SLC25A13: variants seen among roughly 807,000 people sequenced by gnomAD.
The protein encoded by SLC25A13 is solute carrier family 25 member 13.
A neutral mutation model predicts 85.5 loss-of-function variants in SLC25A13; 70 were observed. The ratio of observed to expected loss-of-function variants is 0.82; its 90% confidence interval spans 0.68 to 1.00. SLC25A13 has a LOEUF of 1.00. SLC25A13 is among the 50% of genes least tolerant of loss of function. The pLI is 0.00. For synonymous variants in SLC25A13, 259 were observed against 288.7 expected, an observed-to-expected ratio of 0.90 and a Z score of 1.04; for missense variants, 765 against 819.8, an observed-to-expected ratio of 0.93 and a Z score of 0.82.
chr7:96,257,641 G>C (rs898696674), intron 3 of SLC25A13, among the ~76,000 whole-genome samples: 2 of 152,168 alleles, frequency 1.3e-5, no homozygotes, highest in African/African-American at 4.8e-5. Flanking sequence ...GAGGTACAAA[G>C]AGGAGCTGGT....
At chr7:96,241,983 GA>G (rs1797015741) in intron 3 of SLC25A13, among the ~76,000 whole-genome samples, 1 of 152,162 alleles carries the variant, frequency 6.6e-6, no homozygotes. Context: ...CTGTGGCTAC[GA>G]AAGTTTAAGC....
chr7:96,180,541 C>G (rs943201542), intron 11 of SLC25A13, among the ~76,000 whole-genome samples: 1 of 152,318 alleles, frequency 6.6e-6, no homozygotes, highest in Admixed American at 6.5e-5. Flanking sequence ...GTTGGCCAGG[C>G]TGGTCTTGAA....
At chr7:96,263,897 T>G (rs923902446) in intron 3 of SLC25A13, among the ~76,000 whole-genome samples, 22 of 152,202 alleles carry the variant, frequency 1.4e-4, no homozygotes, top group African/African-American at 4.6e-4. Flanking sequence ...GGCCACTATA[T>G]TCTAGTCTTC....
At chr7:96,228,946 G>A (rs567112134) in intron 4 of SLC25A13, among the ~76,000 whole-genome samples, 8 of 152,262 alleles carry the variant, frequency 5.3e-5, no homozygotes, top group Non-Finnish European at 8.8e-5. Flanking sequence ...GACTCCCGGC[G>A]GGGCAGGGCT....
At chr7:96,177,385 C>G (rs1794262971) in intron 11 of SLC25A13, among the ~76,000 whole-genome samples, 1 of 152,184 alleles carries the variant, frequency 6.6e-6, no homozygotes, top group African/African-American at 2.4e-5. Context: ...CTTAAATGAT[C>G]CTTAACCTCT....
intron 3 of SLC25A13, among the ~76,000 whole-genome samples, chr7:96,258,873 A>G (rs550542734): frequency 6.6e-5 from 10 of 152,298 alleles, no homozygotes; most frequent in African/African-American, 2.4e-4. Context: ...AGATATATAG[A>G]CCAATGGGAC....
At chr7:96,170,004 A>C (rs1020788837) in intron 13 of SLC25A13, 41 bp downstream of exon 13, 2 of 1,585,296 alleles carry the variant, frequency 1.3e-6, no homozygotes, top group Non-Finnish European at 1.7e-6. Context: ...ATATATGTGA[A>C]ACAAGTCTTT....
At chr7:96,133,093 A>AAAT (rs1457526825) in intron 14 of SLC25A13, among the ~76,000 whole-genome samples, 1 of 152,174 alleles carries the variant, frequency 6.6e-6, no homozygotes, top group African/African-American at 2.4e-5. Flanking sequence ...TAATCCTATT[A>AAAT]AGTTGCATCC....
rs1343963919 is a variant in SLC25A13 at position 96,293,889 on chromosome 7, A to T, written c.69+3009T>A. 3.3e-5 allele frequency among the ~76,000 whole-genome samples: 5 copies of T among 152,350 alleles called. No homozygotes were observed. The South Asian group carries it at 1.0e-3, about 32-fold the overall frequency. On this transcript the variant is annotated intron_variant, in intron 2 of 17. Coordinates refer to ENST00000265631, the MANE Select transcript of SLC25A13 (RefSeq NM_014251.3). ...CAGTGTGGCAATTCCTCAAGGATCTAGAACTAGAAATACCATTTGACCCAG... is the reference window on the plus strand; with the variant it reads ...CAGTGTGGCAATTCCTCAAGGATCTTGAACTAGAAATACCATTTGACCCAG...
intron 17 of SLC25A13, 43 bp from the exon 18 acceptor site, chr7:96,121,420 T>C (rs745994435): frequency 1.9e-6 from 3 of 1,601,324 alleles, no homozygotes; most frequent in African/African-American, 1.3e-5. Flanking sequence ...ATTTTTTGTT[T>C]GTTTTAACTT....
chr7:96,289,928 C>T (rs1342880281), intron 2 of SLC25A13, among the ~76,000 whole-genome samples: 10 of 152,010 alleles, frequency 6.6e-5, no homozygotes, highest in Admixed American at 4.6e-4. Context: ...AGATACTCCT[C>T]GAGAAGAGCA....
At chr7:96,174,082 A>T (rs1794116332) in intron 11 of SLC25A13, among the ~76,000 whole-genome samples, 1 of 152,202 alleles carries the variant, frequency 6.6e-6, no homozygotes. Context: ...AGGAATAGAG[A>T]TTAAAAAGAG....
At chr7:96,130,009 T>G (rs1052576581) in intron 15 of SLC25A13, among the ~76,000 whole-genome samples, 1 of 152,234 alleles carries the variant, frequency 6.6e-6, no homozygotes, top group Non-Finnish European at 1.5e-5. Context: ...TGAATAATAT[T>G]TTTGTTATTT....
intron 1 of SLC25A13, among the ~76,000 whole-genome samples, chr7:96,308,496 T>C (rs995477390): frequency 1.2e-4 from 18 of 152,120 alleles, no homozygotes; most frequent in African/African-American, 4.1e-4. Context: ...ACTCCTGGGG[T>C]TGAGCAACAA....
chr7:96,181,771 G>C (rs4727335), intron 11 of SLC25A13, among the ~76,000 whole-genome samples: 1 of 151,964 alleles, frequency 6.6e-6, no homozygotes, highest in South Asian at 2.1e-4. Flanking sequence ...AAACATGTAT[G>C]AATTAAAGAT....
intron 5 of SLC25A13, among the ~76,000 whole-genome samples, chr7:96,205,945 CAAA>C (rs397706103): frequency 7.7e-6 from 1 of 130,532 alleles, no homozygotes. Context: ...TATTAAGTGA[CAAA>C]AAAAAAAAAA....
intron 5 of SLC25A13, among the ~76,000 whole-genome samples, chr7:96,200,961 A>C (rs1028305437): frequency 6.6e-5 from 10 of 152,146 alleles, no homozygotes; most frequent in African/African-American, 2.4e-4. Context: ...AAGTGATCAC[A>C]TCTCTAGTTA....
chr7:96,243,568 T>C (rs188041003), intron 3 of SLC25A13, among the ~76,000 whole-genome samples: 4 of 152,212 alleles, frequency 2.6e-5, no homozygotes, highest in Admixed American at 2.6e-4. Flanking sequence ...ACTTCTCAAG[T>C]GATTGTACTA....
chr7:96,219,837 TCAACAA>T, intron 4 of SLC25A13: 1 of 453,710 alleles, frequency 2.2e-6, no homozygotes, highest in South Asian at 1.7e-5. Flanking sequence ...TGACTGTGAG[TCAACAA>T]CAACAACAAA....
Sources: allele counts gnomAD v4.1 joint callset (sites outside exome capture counted in the v4.1 genomes callset), GRCh38; gene constraint gnomAD v4.1.1; transcripts MANE v1.5; gene names NCBI Gene and HGNC (gene_info 2026-07-23, HGNC 2026-07-21).